The following IL16 variants were observed in gnomAD, a reference collection of about 807,000 sequenced individuals.
IL16 encodes pro-interleukin-16.
A neutral mutation model predicts 110.1 loss-of-function variants in IL16; 67 were observed. That is an observed-to-expected ratio of 0.61 (90% CI 0.50 to 0.75). The LOEUF (loss-of-function observed/expected upper bound fraction) is 0.75. Among genes scored for constraint, IL16 ranks in the 30% least tolerant of loss-of-function variants. The probability of loss-of-function intolerance (pLI) is 0.00; values close to 1 mark genes in which losing one functional copy is unlikely to be tolerated. For synonymous variants in IL16, 689 were observed against 662.9 expected (o/e 1.04, Z -0.61); for missense variants, 1,545 against 1,655.0 (o/e 0.93, Z 1.15).
chr15:81,200,480 C>G lies in IL16; in HGVS notation c.-102+3328C>G, dbSNP rs190462402. On this transcript the variant is annotated intron_variant, in intron 1 of 18. Coordinates refer to ENST00000683961, the MANE Select transcript of IL16 (RefSeq NM_172217.5). ...GACTCCGTGAGCTCAGGTGATTCTCCCCCTTCAGCCTCCCGAGTAGCTGGG... is the reference window on the plus strand; with the variant it reads ...GACTCCGTGAGCTCAGGTGATTCTCGCCCTTCAGCCTCCCGAGTAGCTGGG... Among the ~76,000 whole-genome samples, 102 of 152,246 alleles carry G rather than the reference C, an allele frequency of 6.7e-4. 3 individuals carry two copies. The East Asian group carries it at 0.018, about 26-fold the overall frequency.
At chr15:81,249,089 A>C (rs1897676423) in intron 2 of IL16, among the ~76,000 whole-genome samples, 1 of 152,218 alleles carries the variant, frequency 6.6e-6, no homozygotes. Flanking sequence ...TTCAAAGTGC[A>C]AAAGTTATTA....
chr15:81,248,546 T>C (rs1430955839), intron 2 of IL16, among the ~76,000 whole-genome samples: 1 of 150,020 alleles, frequency 6.7e-6, no homozygotes, highest in Admixed American at 6.6e-5. Flanking sequence ...TTTAAAATTA[T>C]ATTTAACCTC....
chr15:81,305,657 A>G (rs1379409856), intron 16 of IL16: 2 of 488,460 alleles, frequency 4.1e-6, no homozygotes, highest in African/African-American at 3.9e-5. Flanking sequence ...GTGGTGGTAC[A>G]CTATAGGACG....
chr15:81,191,733 A>G (rs1397625793), intron 1 of IL16, among the ~76,000 whole-genome samples: 2 of 152,216 alleles, frequency 1.3e-5, no homozygotes, highest in Admixed American at 6.5e-5. Flanking sequence ...AGCCAGCCAT[A>G]TGAAGATCTG....
At chr15:81,220,468 T>G (rs988919282) in intron 1 of IL16, among the ~76,000 whole-genome samples, 1 of 152,224 alleles carries the variant, frequency 6.6e-6, no homozygotes, top group Admixed American at 6.5e-5. Context: ...GATATTCTTT[T>G]AGAAAGAGAA....
At position 81,216,584 on chromosome 15, in the gene IL16, C is replaced by T. The variant is rs530497607; in HGVS notation, c.-101-8715C>T. Among the ~76,000 whole-genome samples, 26 of 152,252 alleles carry T rather than the reference C, an allele frequency of 1.7e-4. No homozygotes were observed. The South Asian group carries it at 4.1e-3, about 24-fold the overall frequency. ...TGCATGTAGTCGGCCATCTTGTTTC[C>T]GCCTCCTGCTGTCTTTGAGGAATGC... On this transcript the variant is annotated intron_variant, in intron 1 of 18. Transcript: ENST00000683961.
chr15:81,235,289 A>C (rs1338778160), intron 2 of IL16, among the ~76,000 whole-genome samples: 2 of 152,218 alleles, frequency 1.3e-5, no homozygotes, highest in Non-Finnish European at 2.9e-5. Context: ...AAGCTATACA[A>C]GCATGGGACC....
intron 2 of IL16, among the ~76,000 whole-genome samples, chr15:81,238,387 T>A (rs1175669772): frequency 2.0e-5 from 3 of 152,210 alleles, no homozygotes; most frequent in African/African-American, 7.2e-5. Context: ...TCCACTTTGA[T>A]TTATTTATTA....
chr15:81,305,604 G>T (rs1200525774), intron 16 of IL16: 2 of 343,700 alleles, frequency 5.8e-6, no homozygotes, highest in Non-Finnish European at 1.1e-5. Flanking sequence ...CTGACCTAGG[G>T]CAGGTGAAGC....
intron 10 of IL16, among the ~76,000 whole-genome samples, chr15:81,287,816 C>T (rs967281650): frequency 4.6e-5 from 7 of 152,176 alleles, no homozygotes; most frequent in African/African-American, 1.4e-4. Context: ...GGATTGCACA[C>T]TGGAGCTAAA....
chr15:81,283,418 C>A (rs541478565), intron 9 of IL16, among the ~76,000 whole-genome samples: 1 of 151,802 alleles, frequency 6.6e-6, no homozygotes, highest in African/African-American at 2.4e-5. Context: ...GAGCCGTGTT[C>A]CTCAAAGTGT....
At chr15:81,185,363 C>CA (rs1895404039) in intron 1 of IL16, among the ~76,000 whole-genome samples, 1 of 141,856 alleles carries the variant, frequency 7.0e-6, no homozygotes, top group Non-Finnish European at 1.5e-5. Flanking sequence ...TTTTCTTTTC[C>CA]TTTTTTTTTT....
chr15:81,299,393 C>T lies in IL16; in HGVS notation c.2067C>T (p.Ser689=). 6.2e-7 allele frequency: 1 copy of T among 1,613,096 alleles called. No homozygotes were observed. The highest frequency in any genetic ancestry group is 8.5e-7 in the Non-Finnish European group (1 of 1,180,012). The stretch of plus-strand genomic sequence containing the variant: ...TCTGCACTGTAGTGACCCAAACATC[C>T]CCGATAAAACACCCACTGCTTAAGA... ...WRRASPVTQT[S]PIKHPLLKRQ... The change falls in exon 14 of 19, where the codon TCC becomes TCT. Residue 689 remains serine, a synonymous_variant. Transcript: ENST00000683961.
intron 1 of IL16, among the ~76,000 whole-genome samples, chr15:81,207,096 C>T (rs1896049698): frequency 6.6e-6 from 1 of 151,690 alleles, no homozygotes; most frequent in Admixed American, 6.6e-5. Context: ...ATTAGCCAGG[C>T]GTGGTGGTGG....
Position 81,299,929 on chromosome 15 carries a change from C to G in IL16, c.2603C>G (p.Ser868Cys), listed in dbSNP as rs1900185023. 7 of 1,613,260 alleles carry G rather than the reference C, an allele frequency of 4.3e-6. No individual in the cohort carries two copies. The highest frequency in any genetic ancestry group is 5.9e-6 in the Non-Finnish European group (7 of 1,179,886). Reference sequence around the variant, plus strand: ...CAGAGACTGAGCCTCCAGCCCTCCTCTGGGGAGGCAGCAAAACCTCTTGGG... The same window carrying G: ...CAGAGACTGAGCCTCCAGCCCTCCTGTGGGGAGGCAGCAAAACCTCTTGGG... Reference protein sequence around the residue: ...GAQRLSLQPSSGEAAKPLGKH... With the variant: ...GAQRLSLQPSCGEAAKPLGKH... The change falls in exon 14 of 19, where the codon TCT becomes TGT. Residue 868 changes from serine to cysteine, a missense_variant. Physicochemically the swap from Ser to Cys is moderately radical, Grantham distance 112. Around this residue, in one of 3 missense-constraint regions of IL16, gnomAD observed 1,185 missense variants for 1,238.8 expected, o/e 0.96. Coordinates refer to ENST00000683961, the MANE Select transcript of IL16 (RefSeq NM_172217.5).
rs907194723 is a variant in IL16, at chr15:81,228,491, T to A, written c.312+2780T>A. 9.2e-5 allele frequency among the ~76,000 whole-genome samples: 14 copies of A among 152,156 alleles called. No homozygotes were observed. The South Asian group carries it at 1.2e-3, about 14-fold the overall frequency. On this transcript the variant is annotated intron_variant, in intron 2 of 18. Coordinates refer to ENST00000683961, the MANE Select transcript of IL16 (RefSeq NM_172217.5). ...GCCTGCCACTACACCCAGCTAATTT[T>A]AAAAATATTTTTAGTAGAAATGGGG... is the stretch of plus-strand genomic sequence containing the variant.
chr15:81,237,524 A>G (rs997168666), intron 2 of IL16, among the ~76,000 whole-genome samples: 1 of 152,250 alleles, frequency 6.6e-6, no homozygotes, highest in Non-Finnish European at 1.5e-5. Flanking sequence ...ACTCTAAAAA[A>G]TAAAGATGCC....
intron 1 of IL16, among the ~76,000 whole-genome samples, chr15:81,199,499 A>G (rs574016839): frequency 6.6e-6 from 1 of 152,292 alleles, no homozygotes; most frequent in Admixed American, 6.5e-5. Flanking sequence ...GCAACTGGTA[A>G]TGCTGGACAG....
intron 12 of IL16, among the ~76,000 whole-genome samples, chr15:81,293,722 C>T (rs17875486): frequency 0.42 from 63,945 of 152,088 alleles, 14,039 homozygotes; most frequent in Non-Finnish European, 0.49. Flanking sequence ...CATTCATTGC[C>T]ATGATCTTTC....
Sources: allele counts gnomAD v4.1 joint callset (sites outside exome capture counted in the v4.1 genomes callset), GRCh38; gene constraint gnomAD v4.1.1; regional missense constraint gnomAD v4.1.1; transcripts MANE v1.5; gene names NCBI Gene and HGNC (gene_info 2026-07-23, HGNC 2026-07-21).